The following ATP11B variants were observed in gnomAD, a reference collection of about 807,000 sequenced individuals.
The protein encoded by ATP11B is phospholipid-transporting ATPase IF.
ATP11B carries 81 observed loss-of-function variants against 157.8 expected under a neutral mutation model. The ratio of observed to expected loss-of-function variants is 0.51; its 90% CI spans 0.43 to 0.62. The LOEUF is 0.62. Ranked by LOEUF, ATP11B falls within the 20% of genes least tolerant of loss-of-function variation. The probability of loss-of-function intolerance (pLI) is 0.00; values close to 1 mark genes in which losing one functional copy is unlikely to be tolerated. For synonymous variants in ATP11B, 451 were observed against 469.4 expected (o/e 0.96, Z 0.51); for missense variants, 1,165 against 1,402.2 (o/e 0.83, Z 2.70).
chr3:182,913,196 C>T (rs1268123960), intron 28 of ATP11B, among the ~76,000 whole-genome samples: 2 of 152,050 alleles, frequency 1.3e-5, no homozygotes, highest in Non-Finnish European at 2.9e-5. Flanking sequence ...TGTTACAAAG[C>T]AGGATGAGCT....
Position 182,828,211 on chromosome 3 carries a change from T to C in ATP11B, c.234+2T>C. 7.5e-7 allele frequency: 1 copy of C among 1,335,508 alleles called. No homozygotes were observed. The highest frequency in any genetic ancestry group is 1.0e-6 in the Non-Finnish European group (1 of 967,434). 82.7% of individuals were successfully genotyped at this position (1,335,508 alleles called of 1,614,324 possible). A position where few individuals can be genotyped will look rare whatever the true frequency, so the allele number is the denominator to read the frequency against. ...TTTCTTATTATATTTTTGGTTCAGG[T>C]AAGCTTTATTACTCAATCTTAAGTT... is the stretch of plus-strand genomic sequence containing the variant. On this transcript the variant is annotated splice_donor_variant, in intron 3 of 29. Coordinates refer to ENST00000323116, the MANE Select transcript of ATP11B (RefSeq NM_014616.3). LOFTEE classifies it high-confidence loss of function.
chr3:182,849,366 A>T (rs1719789483), intron 10 of ATP11B, among the ~76,000 whole-genome samples: 1 of 152,236 alleles, frequency 6.6e-6, no homozygotes, highest in African/African-American at 2.4e-5. Flanking sequence ...ATGTATTATT[A>T]TGAAGTCCAG....
intron 29 of ATP11B, chr3:182,916,793 A>G: frequency 1.0e-6 from 1 of 985,242 alleles, no homozygotes; most frequent in Non-Finnish European, 1.2e-6. Flanking sequence ...AGAAAAACTA[A>G]TATAAAGTAT....
intron 2 of ATP11B, among the ~76,000 whole-genome samples, chr3:182,826,903 A>C (rs1717762245): frequency 6.6e-6 from 1 of 152,190 alleles, no homozygotes; most frequent in African/African-American, 2.4e-5. Context: ...ACATGACACT[A>C]GGTAACGTAA....
chr3:182,848,643 T>C lies in ATP11B; in HGVS notation c.851+86T>C, dbSNP rs1373339749. 24 of 533,604 alleles carry C rather than the reference T, an allele frequency of 4.5e-5. 1 individual carries two copies. The Admixed American group carries it at 1.1e-3, about 25-fold the overall frequency. The allele number at this position is 533,604 out of a possible 1,614,324, so 33.1% of individuals were successfully genotyped here. On this transcript the variant is annotated intron_variant, in intron 10 of 29. Transcript: ENST00000323116. ...GGTATAAAATATTATATATATAATA[T>C]ATATTAAGTAAACAGAATGAAAACC...
chr3:182,836,501 T>C (rs976901051), intron 6 of ATP11B, 31 bp downstream of exon 6: 39 of 1,613,190 alleles, frequency 2.4e-5, no homozygotes, highest in Non-Finnish European at 3.0e-5. Flanking sequence ...GTATTGCTCT[T>C]GGTGAACAAA....
intron 4 of ATP11B, chr3:182,829,994 C>G (rs1274577192): frequency 2.1e-6 from 2 of 964,398 alleles, no homozygotes; most frequent in Non-Finnish European, 2.5e-6. Context: ...AGAAAGCATC[C>G]AAAAACAAGT....
chr3:182,866,719 A>G (rs1162612013), intron 14 of ATP11B, among the ~76,000 whole-genome samples: 2 of 150,638 alleles, frequency 1.3e-5, no homozygotes, highest in Non-Finnish European at 3.0e-5. Context: ...ATGCTTGTGC[A>G]TATGTTGTAC....
intron 28 of ATP11B, among the ~76,000 whole-genome samples, chr3:182,903,786 T>C (rs1342639257): frequency 1.3e-5 from 2 of 152,220 alleles, no homozygotes; most frequent in African/African-American, 4.8e-5. Flanking sequence ...GAGCATCTAA[T>C]TGTTTAAAGC....
intron 4 of ATP11B, among the ~76,000 whole-genome samples, chr3:182,834,270 A>G (rs1053187995): frequency 4.6e-5 from 7 of 152,246 alleles, no homozygotes; most frequent in African/African-American, 1.2e-4. Flanking sequence ...CTTTCCCACA[A>G]GGTTTCCATC....
intron 1 of ATP11B, among the ~76,000 whole-genome samples, chr3:182,804,461 C>A (rs891759229): frequency 6.6e-6 from 1 of 151,998 alleles, no homozygotes; most frequent in African/African-American, 2.4e-5. Context: ...TCTTGATCTC[C>A]TGGCCTCGTG....
At chr3:182,870,948 A>G (rs1721618402) in intron 17 of ATP11B, among the ~76,000 whole-genome samples, 1 of 150,106 alleles carries the variant, frequency 6.7e-6, no homozygotes, top group Non-Finnish European at 1.5e-5. Context: ...AAAAAAAGAA[A>G]TCTGCTAAAT....
chr3:182,818,113 A>G (rs188291839), intron 1 of ATP11B, among the ~76,000 whole-genome samples: 12 of 152,344 alleles, frequency 7.9e-5, no homozygotes, highest in Non-Finnish European at 1.2e-4. Flanking sequence ...CTGGAGAGAA[A>G]GATGGCAGAA....
Position 182,865,693 on chromosome 3 carries a change from G to A in ATP11B, c.1438G>A (p.Glu480Lys). 1.2e-6 allele frequency: 2 copies of A among 1,603,918 alleles called. No homozygotes were observed. Among genetic ancestry groups the A allele is most frequent in the Non-Finnish European group, 1.7e-6 (2 of 1,175,830 alleles). The change falls in exon 13 of 30, where the codon GAA becomes AAA. Residue 480 changes from glutamate (E) to lysine (K), a missense_variant. Glu to Lys is a moderately conservative substitution (Grantham distance 56). Transcript: ENST00000323116. ...CAGAACCAGTCCTGAAAATGAAACT[G>A]AACTAGTAAGTAATTTTTAAATTAA... is the stretch of plus-strand genomic sequence containing the variant. ...SFRTSPENET[E>K]LIKEHDLFFK...
intron 1 of ATP11B, among the ~76,000 whole-genome samples, chr3:182,802,249 A>C (rs766502808): frequency 7.9e-5 from 12 of 152,116 alleles, no homozygotes; most frequent in Non-Finnish European, 1.3e-4. Context: ...TTATTGCAAA[A>C]GCTTCCTAGT....
intron 21 of ATP11B, among the ~76,000 whole-genome samples, chr3:182,884,023 G>GT (rs1406506675): frequency 6.6e-6 from 1 of 150,518 alleles, no homozygotes; most frequent in South Asian, 2.1e-4. Context: ...ATGAATACAG[G>GT]TTTTTTTCAT....
intron 27 of ATP11B, 42 bp downstream of exon 27, chr3:182,897,448 T>C: frequency 1.6e-6 from 2 of 1,277,760 alleles, no homozygotes; most frequent in Non-Finnish European, 2.2e-6. Context: ...GCTTCAACTA[T>C]AATAAACATT....
chr3:182,852,328 T>A (rs1202717104), intron 10 of ATP11B, among the ~76,000 whole-genome samples: 1 of 151,200 alleles, frequency 6.6e-6, no homozygotes, highest in African/African-American at 2.5e-5. Context: ...GATTGACAGA[T>A]TAAGCAAAAG....
intron 1 of ATP11B, among the ~76,000 whole-genome samples, chr3:182,819,243 TG>T (rs1430913568): frequency 6.6e-6 from 1 of 151,980 alleles, no homozygotes; most frequent in Non-Finnish European, 1.5e-5. Context: ...TAATTTTTTT[TG>T]TATTTTTTAG....
Sources: allele counts gnomAD v4.1 joint callset (sites outside exome capture counted in the v4.1 genomes callset), GRCh38; gene constraint gnomAD v4.1.1; transcripts MANE v1.5; gene names NCBI Gene and HGNC (gene_info 2026-07-23, HGNC 2026-07-21).